Variants in MPHOSPH9 observed in about 807,000 individuals in gnomAD.
MPHOSPH9 encodes M-phase phosphoprotein 9.
MPHOSPH9 carries 88 observed loss-of-function variants against 145.5 expected under a neutral mutation model. That is an observed-to-expected ratio of 0.60 (90% CI 0.51 to 0.72). The LOEUF (loss-of-function observed/expected upper bound fraction) is 0.72, where lower values mean the gene tolerates loss of function less well. Among genes scored for constraint, MPHOSPH9 ranks in the 30% least tolerant of loss-of-function variants. The probability of loss-of-function intolerance (pLI) is 0.00; values close to 1 mark genes in which losing one functional copy is unlikely to be tolerated. For missense variants in MPHOSPH9, 1,238 were observed against 1,386.6 expected (o/e 0.89, Z 1.70); for synonymous variants, 435 against 486.2 (o/e 0.89, Z 1.39).
chr12:123,220,367 C>T (rs1469202465), intron 5 of MPHOSPH9, among the ~76,000 whole-genome samples: 1 of 151,814 alleles, frequency 6.6e-6, no homozygotes, highest in East Asian at 1.9e-4. Flanking sequence ...GGAGAGAGAC[C>T]AGCCTGGCCA....
In MPHOSPH9 at chr12:123,163,949, C is replaced by T. The variant is rs2044209755; in HGVS notation, c.2908+1G>A. On this transcript the variant is annotated splice_donor_variant, in intron 19 of 23. Coordinates refer to ENST00000606320, the MANE Select transcript of MPHOSPH9 (RefSeq NM_022782.4). LOFTEE classifies it high-confidence loss of function. ...AAGAGATGTACACATCTAACTCTTA[C>T]TTGGAGTACTTGATTTACGATTTGA... 1.2e-6 allele frequency: 2 copies of T among 1,614,024 alleles called. No individual in the cohort carries two copies. The highest frequency in any genetic ancestry group is 1.7e-6 in the Non-Finnish European group (2 of 1,179,970).
chr12:123,184,944 T>C (rs970405378), intron 13 of MPHOSPH9, among the ~76,000 whole-genome samples: 1 of 152,054 alleles, frequency 6.6e-6, no homozygotes, highest in East Asian at 1.9e-4. Context: ...GCTGGGATTA[T>C]AGATGTGCAC....
At chr12:123,242,670 G>C (rs1237793659) in intron 1 of MPHOSPH9, among the ~76,000 whole-genome samples, 1 of 152,206 alleles carries the variant, frequency 6.6e-6, no homozygotes, top group African/African-American at 2.4e-5. Context: ...CTGGGTGGGA[G>C]ACCTTCCAGT....
intron 6 of MPHOSPH9, among the ~76,000 whole-genome samples, chr12:123,216,806 T>C (rs1727319): frequency 0.59 from 90,383 of 151,968 alleles, 31,210 homozygotes; most frequent in Non-Finnish European, 0.75. Flanking sequence ...CTAACCAACA[T>C]GGCGAGACCC....
chr12:123,152,644 A>C, downstream of MPHOSPH9: 1 of 454,604 alleles, frequency 2.2e-6, no homozygotes, highest in South Asian at 1.6e-5. Context: ...ATAAAGTACA[A>C]ATCAGGCAGA....
chr12:123,213,554 G>A (rs1288334704), intron 7 of MPHOSPH9, among the ~76,000 whole-genome samples: 1 of 152,024 alleles, frequency 6.6e-6, no homozygotes, highest in African/African-American at 2.4e-5. Flanking sequence ...GCTCAAGTTG[G>A]TCTCAAACTC....
Position 123,202,319 on chromosome 12 carries a change from C to T in MPHOSPH9, c.1782G>A (p.Lys594=), listed in dbSNP as rs2046258001. Residue 594 remains lysine (K), a splice_region_variant and synonymous_variant, in exon 11 of 24, where the codon AAG becomes AAA. Transcript: ENST00000606320. ...GCTTTTCCTTCAGATTCTGCCTAAT[C>T]CTTATTCAGTGAGAATAAAAAATAT... is the stretch of plus-strand genomic sequence containing the variant. ...TSLEDPVILS[K]IRQNLKEKHA... The T allele has an allele frequency of 6.3e-7, 1 of 1,587,504 alleles. No individual in the cohort carries two copies. The highest frequency in any genetic ancestry group is 8.5e-7 in the Non-Finnish European group (1 of 1,172,156).
chr12:123,178,822 C>T (rs2044995759), intron 15 of MPHOSPH9, among the ~76,000 whole-genome samples: 2 of 152,182 alleles, frequency 1.3e-5, no homozygotes, highest in African/African-American at 4.8e-5. Context: ...CTGCACCCAG[C>T]CCAGTTTGGA....
downstream of MPHOSPH9, chr12:123,153,486 G>C (rs566625823): frequency 1.3e-5 from 2 of 152,182 alleles, no homozygotes; most frequent in African/African-American, 4.8e-5. Flanking sequence ...CTACCTCAAG[G>C]CTGGGCGCAG....
In MPHOSPH9 at chr12:123,186,724, G is replaced by A. The variant is rs946400001; in HGVS notation, c.2242-5514C>T. 5.3e-5 allele frequency among the ~76,000 whole-genome samples: 8 copies of A among 152,178 alleles called. 1 individual carries two copies. Among genetic ancestry groups the A allele is most frequent in the African/African-American group, 1.9e-4 (8 of 41,426 alleles). On this transcript the variant is annotated intron_variant, in intron 13 of 23. Transcript: ENST00000606320. ...TCCTGTAATCCCAGCCTTTCATGAG[G>A]CTGAGGCAAGTGGATCACTTGAGGT...
rs764321991 is a variant in MPHOSPH9, at chr12:123,165,312, G to A, written c.2757C>T (p.Asp919=). 6 of 1,612,852 alleles carry A rather than the reference G, an allele frequency of 3.7e-6. No individual in the cohort carries two copies. The Admixed American group carries it at 6.7e-5, about 18-fold the overall frequency. The change falls in exon 18 of 24, where the codon GAC becomes GAT. Residue 919 remains aspartate, a synonymous_variant. Transcript: ENST00000606320. ...CAAGGAAATACTCACTATTTGAGGT[G>A]TCCTCTTTCTCTGTCTGTGTCCCCC... ...KNWGTQTEKE[D]TSNINPRQTE...
chr12:123,165,678 AG>A, intron 17 of MPHOSPH9: 1 of 495,934 alleles, frequency 2.0e-6, no homozygotes, highest in Non-Finnish European at 3.6e-6. Context: ...CTTATGAAAA[AG>A]GGAAAGAGGC....
intron 7 of MPHOSPH9, among the ~76,000 whole-genome samples, chr12:123,214,514 G>T (rs941054419): frequency 2.0e-5 from 3 of 152,174 alleles, no homozygotes; most frequent in African/African-American, 7.2e-5. Flanking sequence ...CCCAGCCTGG[G>T]TGACAGAGTG....
intron 1 of MPHOSPH9, among the ~76,000 whole-genome samples, chr12:123,241,754 T>A (rs953543077): frequency 4.6e-5 from 7 of 152,326 alleles, no homozygotes; most frequent in Non-Finnish European, 1.0e-4. Context: ...TAGGCTATTA[T>A]CTTGTTTGCT....
intron 11 of MPHOSPH9, among the ~76,000 whole-genome samples, chr12:123,201,373 T>C (rs975664548): frequency 2.0e-5 from 3 of 152,138 alleles, no homozygotes; most frequent in Non-Finnish European, 4.4e-5. Flanking sequence ...ATTTTCAATC[T>C]ATTTAAGTCC....
At chr12:123,179,846 C>A in intron 15 of MPHOSPH9, 80 bp downstream of exon 15, 3 of 695,756 alleles carry the variant, frequency 4.3e-6, no homozygotes, top group Non-Finnish European at 4.5e-6. Context: ...TCAAGAAAAA[C>A]TTCCTTCTCA....
chr12:123,238,570 A>T (rs1040768340), intron 1 of MPHOSPH9, among the ~76,000 whole-genome samples: 3 of 152,164 alleles, frequency 2.0e-5, no homozygotes, highest in African/African-American at 7.2e-5. Context: ...CAGGAGTTTG[A>T]GACCAGACTG....
chr12:123,166,701 G>A lies in MPHOSPH9; in HGVS notation c.2545C>T (p.Gln849Ter). 1 of 1,614,026 alleles carries A rather than the reference G, an allele frequency of 6.2e-7. No homozygotes were observed. Among genetic ancestry groups the A allele is most frequent in the Non-Finnish European group, 8.5e-7 (1 of 1,180,008 alleles). The change falls in exon 17 of 24, where the codon CAG becomes TAG. Residue 849 changes from glutamine (Q) to a stop codon, truncating the protein, a stop_gained. Transcript: ENST00000606320. LOFTEE classifies it high-confidence loss of function. ...AGCTGGTTATCCACGTTACTGTCCT[G>A]GGTGTCCAGAGGCTGGCCAGTAAAG... ...SIFTGQPLDT[Q>*]DSNVDNQLEE...
intron 6 of MPHOSPH9, 137 bp downstream of exon 6, chr12:123,218,239 A>G (rs1248669463): frequency 7.8e-7 from 1 of 1,280,070 alleles, no homozygotes. Context: ...TCTCAAAAAA[A>G]CAACAACAAA....
Sources: allele counts gnomAD v4.1 joint callset (sites outside exome capture counted in the v4.1 genomes callset), GRCh38; gene constraint gnomAD v4.1.1; transcripts MANE v1.5; gene names NCBI Gene and HGNC (gene_info 2026-07-23, HGNC 2026-07-21).